ALKAL1: variants seen among roughly 807,000 people sequenced by gnomAD.
The protein encoded by ALKAL1 is AUG-beta.
A neutral mutation model predicts 13.5 loss-of-function variants in ALKAL1; 23 were observed. The ratio of observed to expected loss-of-function variants is 1.70; its 90% CI spans 1.23 to 2.41. The LOEUF (loss-of-function observed/expected upper bound fraction) is 2.41, where lower values mean the gene tolerates loss of function less well. Among genes scored for constraint, ALKAL1 ranks in the 30% most tolerant of loss-of-function variants. The probability of loss-of-function intolerance (pLI) is 0.00; values close to 1 mark genes in which losing one functional copy is unlikely to be tolerated. For missense variants in ALKAL1, 181 were observed against 178.4 expected (o/e 1.01, Z -0.08); for synonymous variants, 85 against 77.7 (o/e 1.09, Z -0.49).
intron 1 of ALKAL1, among the ~76,000 whole-genome samples, chr8:52,560,129 AC>A (rs1334233593): frequency 3.3e-5 from 5 of 152,234 alleles, no homozygotes; most frequent in South Asian, 4.1e-4. Context: ...GAAGAAAAAA[AC>A]GCTATCTGTG....
At chr8:52,551,948 C>T (rs146190320) in intron 1 of ALKAL1, among the ~76,000 whole-genome samples, 14 of 152,252 alleles carry the variant, frequency 9.2e-5, no homozygotes, top group African/African-American at 2.9e-4. Context: ...ATTAACATTA[C>T]ATTAGTATGG....
intron 4 of ALKAL1, among the ~76,000 whole-genome samples, chr8:52,538,051 T>C (rs1360643778): frequency 2.0e-5 from 3 of 149,754 alleles, no homozygotes; most frequent in African/African-American, 7.4e-5. Flanking sequence ...ATCGCGCCAC[T>C]GCACTCCAGC....
At chr8:52,537,057 G>C (rs1435753083) in intron 4 of ALKAL1, among the ~76,000 whole-genome samples, 1 of 152,166 alleles carries the variant, frequency 6.6e-6, no homozygotes, top group Non-Finnish European at 1.5e-5. Flanking sequence ...TGTAGAATGA[G>C]AGAAAAGATT....
chr8:52,539,395 C>T (rs1280030980), intron 3 of ALKAL1, among the ~76,000 whole-genome samples: 1 of 152,102 alleles, frequency 6.6e-6, no homozygotes, highest in African/African-American at 2.4e-5. Context: ...TACATGCTAT[C>T]ATTACTCAGA....
intron 3 of ALKAL1, 87 bp from the exon 4 acceptor site, chr8:52,538,594 A>G (rs1847285151): frequency 2.5e-6 from 2 of 813,616 alleles, no homozygotes; most frequent in Non-Finnish European, 4.0e-6. Context: ...AATTCATATA[A>G]CAATAACTAC....
rs1014617368 is a variant in ALKAL1 at position 52,561,811 on chromosome 8, A to C, written c.190+3256T>G. On this transcript the variant is annotated intron_variant, in intron 1 of 4. Coordinates refer to ENST00000358543, the MANE Select transcript of ALKAL1 (RefSeq NM_207413.4). Reference sequence around the variant, plus strand: ...TAAAACAGCAACAGCAAGCACAACAACACAAATCTGACTCCAGAAAGCCTG... The same window carrying C: ...TAAAACAGCAACAGCAAGCACAACACCACAAATCTGACTCCAGAAAGCCTG... Among the ~76,000 whole-genome samples, 5 of 152,212 alleles carry C rather than the reference A, an allele frequency of 3.3e-5. 1 individual carries two copies. Among genetic ancestry groups the C allele is most frequent in the Non-Finnish European group, 5.9e-5 (4 of 68,040 alleles).
intron 1 of ALKAL1, among the ~76,000 whole-genome samples, chr8:52,543,827 G>T (rs1236798809): frequency 6.6e-6 from 1 of 152,162 alleles, no homozygotes; most frequent in Non-Finnish European, 1.5e-5. Context: ...AGCACCTACT[G>T]TGGTTAAGGC....
chr8:52,543,620 A>G (rs1375357223), intron 1 of ALKAL1, among the ~76,000 whole-genome samples: 35 of 152,226 alleles, frequency 2.3e-4, no homozygotes, highest in Non-Finnish European at 5.9e-5. Context: ...ATCCTGAAAA[A>G]CAAAGCAGCA....
chr8:52,547,403 G>C (rs1028487793), intron 1 of ALKAL1, among the ~76,000 whole-genome samples: 1 of 152,126 alleles, frequency 6.6e-6, no homozygotes, highest in Non-Finnish European at 1.5e-5. Flanking sequence ...GGAAGGCTGA[G>C]GGAGGAGAAT....
chr8:52,552,436 CAGA>C (rs1847439051), intron 1 of ALKAL1, among the ~76,000 whole-genome samples: 1 of 152,160 alleles, frequency 6.6e-6, no homozygotes, highest in Non-Finnish European at 1.5e-5. Context: ...CTGTACTTCT[CAGA>C]AGGAGGTCAC....
At chr8:52,536,898 G>A (rs1053038673) in intron 4 of ALKAL1, among the ~76,000 whole-genome samples, 2 of 152,162 alleles carry the variant, frequency 1.3e-5, no homozygotes, top group African/African-American at 4.8e-5. Context: ...TCATTAAAAC[G>A]GTCTTTTCAT....
chr8:52,555,988 G>T (rs1352243755), intron 1 of ALKAL1, among the ~76,000 whole-genome samples: 1 of 152,178 alleles, frequency 6.6e-6, no homozygotes, highest in Admixed American at 6.5e-5. Context: ...GATGGTGGTA[G>T]ATCCTGCATG....
At chr8:52,551,011 A>T (rs903340363) in intron 1 of ALKAL1, among the ~76,000 whole-genome samples, 1 of 152,226 alleles carries the variant, frequency 6.6e-6, no homozygotes, top group African/African-American at 2.4e-5. Flanking sequence ...TTCACTGAAT[A>T]AATTGGAATT....
intron 1 of ALKAL1, among the ~76,000 whole-genome samples, chr8:52,546,493 G>T (rs566964093): frequency 7.9e-5 from 12 of 152,324 alleles, no homozygotes; most frequent in Non-Finnish European, 1.0e-4. Context: ...AGCCCAGTTA[G>T]TTGCTTTGGC....
At chr8:52,561,884 A>C (rs532371193) in intron 1 of ALKAL1, among the ~76,000 whole-genome samples, 14 of 152,350 alleles carry the variant, frequency 9.2e-5, no homozygotes, top group African/African-American at 3.4e-4. Flanking sequence ...AGGCAGAGGT[A>C]GCAAAAGAAA....
intron 2 of ALKAL1, among the ~76,000 whole-genome samples, chr8:52,540,594 G>A (rs1383919781): frequency 1.3e-5 from 2 of 152,130 alleles, no homozygotes; most frequent in Non-Finnish European, 2.9e-5. Flanking sequence ...AGCCAGGCAT[G>A]GCGGCACACG....
At chr8:52,534,939 A>T (rs1170657940) in intron 4 of ALKAL1, among the ~76,000 whole-genome samples, 1 of 152,224 alleles carries the variant, frequency 6.6e-6, no homozygotes, top group Non-Finnish European at 1.5e-5. Flanking sequence ...AATAATTCAA[A>T]ACAGATACTA....
intron 1 of ALKAL1, among the ~76,000 whole-genome samples, chr8:52,547,143 T>C (rs2150345316): frequency 6.6e-6 from 1 of 152,314 alleles, no homozygotes; most frequent in African/African-American, 2.4e-5. Context: ...TTGCATTTAG[T>C]GACTAGATGC....
chr8:52,536,250 T>C (rs1195318849), intron 4 of ALKAL1, among the ~76,000 whole-genome samples: 1 of 152,162 alleles, frequency 6.6e-6, no homozygotes, highest in African/African-American at 2.4e-5. Context: ...TCCTCTATGA[T>C]TTTCATTCCC....
Sources: gnomAD v4.1 joint callset for allele counts (sites outside exome capture counted in the v4.1 genomes callset) on GRCh38, gnomAD v4.1.1 for gene constraint, MANE v1.5 for transcripts, NCBI Gene and HGNC (gene_info 2026-07-23, HGNC 2026-07-21) for gene names.